The following GNAT3 variants were observed in gnomAD, a reference collection of about 807,000 sequenced individuals.
GNAT3 encodes G protein subunit alpha transducin 3, also known as guanine nucleotide-binding protein G(t) subunit alpha-3.
A neutral mutation model predicts 37.7 loss-of-function variants in GNAT3; 31 were observed. The observed-to-expected ratio is 0.82, with a 90% CI of 0.62 to 1.11. GNAT3 has a LOEUF of 1.11. Ranked by LOEUF, GNAT3 falls within the 50% of genes most tolerant of loss-of-function variation. The pLI is 0.00. For synonymous variants in GNAT3, 138 were observed against 139.8 expected (o/e 0.99, Z 0.09); for missense variants, 437 against 412.5 (o/e 1.06, Z -0.51).
intron 5 of GNAT3, among the ~76,000 whole-genome samples, chr7:80,468,719 T>C (rs1790162586): frequency 6.6e-6 from 1 of 152,078 alleles, no homozygotes; most frequent in Non-Finnish European, 1.5e-5. Flanking sequence ...GATGTCTTAC[T>C]AAGTCTCTTA....
chr7:80,484,361 G>A (rs1275681870), intron 3 of GNAT3, among the ~76,000 whole-genome samples: 1 of 152,094 alleles, frequency 6.6e-6, no homozygotes, highest in Non-Finnish European at 1.5e-5. Flanking sequence ...GAATCTTTGA[G>A]TAGTAATATT....
intron 7 of GNAT3, among the ~76,000 whole-genome samples, chr7:80,461,429 G>A (rs938982758): frequency 3.3e-5 from 5 of 151,858 alleles, no homozygotes; most frequent in Admixed American, 2.0e-4. Context: ...TGCACCAGTC[G>A]TCCCAGCCAC....
chr7:80,485,764 CT>C (rs1790467903), intron 3 of GNAT3, among the ~76,000 whole-genome samples: 1 of 151,846 alleles, frequency 6.6e-6, no homozygotes, highest in Non-Finnish European at 1.5e-5. Context: ...AAAATAATAC[CT>C]AATATTTACT....
At chr7:80,479,141 G>T (rs1790350974) in intron 3 of GNAT3, 143 bp from the exon 4 acceptor site, 2 of 626,508 alleles carry the variant, frequency 3.2e-6, no homozygotes, top group East Asian at 3.1e-5. Flanking sequence ...ACTATATTGA[G>T]GTAAATAGAA....
At chr7:80,492,176 C>A (rs965732307) in intron 2 of GNAT3, among the ~76,000 whole-genome samples, 23 of 136,308 alleles carry the variant, frequency 1.7e-4, no homozygotes, top group Non-Finnish European at 1.9e-4. Context: ...CTAAAAATAC[C>A]AAAAAAAAAA....
chr7:80,501,957 A>G (rs1376408129), intron 1 of GNAT3, among the ~76,000 whole-genome samples: 2 of 152,034 alleles, frequency 1.3e-5, no homozygotes, highest in East Asian at 1.9e-4. Context: ...TATTGTAGCT[A>G]TATACTATCT....
At chr7:80,505,504 C>G (rs1790918021) in intron 1 of GNAT3, among the ~76,000 whole-genome samples, 1 of 152,068 alleles carries the variant, frequency 6.6e-6, no homozygotes, top group African/African-American at 2.4e-5. Flanking sequence ...GTAGCTGGGA[C>G]TACAGGCGCC....
At chr7:80,477,196 C>A (rs576705801) in intron 4 of GNAT3, among the ~76,000 whole-genome samples, 5 of 152,036 alleles carry the variant, frequency 3.3e-5, no homozygotes, top group Admixed American at 6.6e-5. Context: ...CCCATTTTAA[C>A]TATGTGGTTT....
intron 5 of GNAT3, among the ~76,000 whole-genome samples, chr7:80,466,917 C>A (rs976987364): frequency 6.6e-6 from 1 of 152,048 alleles, no homozygotes; most frequent in Non-Finnish European, 1.5e-5. Context: ...TAATACCTTA[C>A]GGTTGAATAA....
chr7:80,479,059 T>TAGAA, intron 3 of GNAT3, 61 bp from the exon 4 acceptor site: 4 of 1,114,668 alleles, frequency 3.6e-6, no homozygotes, highest in Non-Finnish European at 5.1e-6. Flanking sequence ...TTCTATTTTC[T>TAGAA]AATAGAGTAA....
rs543561152 is a variant in GNAT3, at chr7:80,459,791, C to A, written c.875-930G>T. ...ACTAGAAACAAAATTCCTTGAAGGA[C>A]AAGCTTTAAAGCCATATAACATGGC... is the stretch of plus-strand genomic sequence containing the variant. On this transcript the variant is annotated intron_variant, in intron 7 of 7. Coordinates refer to ENST00000398291, the MANE Select transcript of GNAT3 (RefSeq NM_001102386.3). Among the ~76,000 whole-genome samples the A allele has an allele frequency of 1.2e-4, 18 of 152,254 alleles. No homozygotes were observed. In the South Asian group the frequency reaches 3.7e-3, roughly 32 times the overall value.
At chr7:80,475,683 G>T (rs1367801882) in intron 4 of GNAT3, among the ~76,000 whole-genome samples, 1 of 151,874 alleles carries the variant, frequency 6.6e-6, no homozygotes, top group Non-Finnish European at 1.5e-5. Flanking sequence ...CTAGCACAAA[G>T]ATTGAAAAAA....
intron 4 of GNAT3, among the ~76,000 whole-genome samples, chr7:80,477,269 C>T (rs1292282524): frequency 6.6e-6 from 1 of 152,006 alleles, no homozygotes; most frequent in African/African-American, 2.4e-5. Context: ...AGCTCTCTAC[C>T]CAGAGCTTTA....
chr7:80,478,786 A>G, intron 4 of GNAT3, 55 bp downstream of exon 4: 1 of 1,539,070 alleles, frequency 6.5e-7, no homozygotes, highest in Non-Finnish European at 8.9e-7. Flanking sequence ...GCAGAATTAT[A>G]ATTCTTAATT....
chr7:80,498,905 C>T (rs1428735702), intron 1 of GNAT3, among the ~76,000 whole-genome samples: 4 of 152,042 alleles, frequency 2.6e-5, no homozygotes, highest in Admixed American at 2.0e-4. Flanking sequence ...GTAAGGAATC[C>T]TGTTCTACAT....
intron 1 of GNAT3, among the ~76,000 whole-genome samples, chr7:80,507,254 T>C (rs75564358): frequency 0.011 from 1,611 of 152,046 alleles, 16 homozygotes; most frequent in East Asian, 0.036. Context: ...GTTGATGAAC[T>C]TGTAATCTAA....
chr7:80,461,535 A>ATATT (rs1012394637), intron 7 of GNAT3, among the ~76,000 whole-genome samples: 1 of 152,120 alleles, frequency 6.6e-6, no homozygotes, highest in African/African-American at 2.4e-5. Context: ...AGAAAAATAA[A>ATATT]TATTTTTCTT....
intron 2 of GNAT3, among the ~76,000 whole-genome samples, chr7:80,492,619 TA>T (rs1790615836): frequency 6.6e-6 from 1 of 151,700 alleles, no homozygotes; most frequent in Admixed American, 6.6e-5. Flanking sequence ...ATAAGCCTTT[TA>T]TACAGGCTTT....
chr7:80,488,777 A>G, intron 2 of GNAT3, 101 bp from the exon 3 acceptor site: 1 of 783,972 alleles, frequency 1.3e-6, no homozygotes, highest in Non-Finnish European at 2.0e-6. Flanking sequence ...GTATATATTC[A>G]TTAAAAAGGA....
Sources: allele counts gnomAD v4.1 joint callset (sites outside exome capture counted in the v4.1 genomes callset), GRCh38; gene constraint gnomAD v4.1.1; transcripts MANE v1.5; gene names NCBI Gene and HGNC (gene_info 2026-07-23, HGNC 2026-07-21).